ADCY7: variants seen among roughly 807,000 people sequenced by gnomAD.
The protein encoded by ADCY7 is adenylate cyclase type 7.
A neutral mutation model predicts 120.6 loss-of-function variants in ADCY7; 72 were observed. The observed-to-expected ratio is 0.60, with a 90% CI of 0.49 to 0.73. The LOEUF is 0.73. Ranked by LOEUF, ADCY7 falls within the 30% of genes least tolerant of loss-of-function variation. The probability of loss-of-function intolerance (pLI) is 0.00; values close to 1 mark genes in which losing one functional copy is unlikely to be tolerated. For missense variants in ADCY7, 1,227 were observed against 1,486.0 expected (o/e 0.83, Z 2.87); for synonymous variants, 661 against 628.0 (o/e 1.05, Z -0.78).
chr16:50,265,371 T>A (rs201762689), upstream of ADCY7, among the ~76,000 whole-genome samples: 58,887 of 151,746 alleles, frequency 0.39, 12,006 homozygotes, highest in East Asian at 0.64. Flanking sequence ...TGGAACCCTG[T>A]GTGAGTCCTA....
At chr16:50,263,930 A>C (rs1229870547), upstream of ADCY7, among the ~76,000 whole-genome samples, 1 of 152,150 alleles carries the variant, frequency 6.6e-6, no homozygotes, top group Non-Finnish European at 1.5e-5. Context: ...AGCATCCAGC[A>C]CCATGCCCTC....
chr16:50,245,121 C>T (rs2032541316), upstream of ADCY7, among the ~76,000 whole-genome samples: 1 of 152,228 alleles, frequency 6.6e-6, no homozygotes, highest in East Asian at 1.9e-4. Context: ...TAGGGTGAGC[C>T]GGGGTAGCAG....
Position 50,314,563 on chromosome 16 carries a change from TGCATATAGTTA to T in ADCY7, c.2971+169_2971+179del, listed in dbSNP as rs925766543. 1.3e-4 allele frequency: 81 copies of T among 606,164 alleles called. 1 individual carries two copies. The highest frequency in any genetic ancestry group is 1.3e-3 in the South Asian group (63 of 49,698). 37.5% of individuals were successfully genotyped at this position (606,164 alleles called of 1,614,324 possible). A position where few individuals can be genotyped will look rare whatever the true frequency, so the allele number is the denominator to read the frequency against. ...CAGTTGGACAATTATTCTGATGTTT[TGCATATAGTTA>T]GCATATAGTTACCATTGAGAGTTTT... On this transcript the variant is annotated intron_variant, in intron 24 of 25. Coordinates refer to ENST00000673801, the MANE Select transcript of ADCY7 (RefSeq NM_001114.5).
At chr16:50,312,592 A>G (rs1409689942) in intron 21 of ADCY7, among the ~76,000 whole-genome samples, 1 of 152,190 alleles carries the variant, frequency 6.6e-6, no homozygotes, top group East Asian at 1.9e-4. Flanking sequence ...AGGCCCAGTG[A>G]GAATGAAGAC....
chr16:50,281,150 C>T (rs1459414481), intron 1 of ADCY7, among the ~76,000 whole-genome samples: 1 of 152,236 alleles, frequency 6.6e-6, no homozygotes, highest in Non-Finnish European at 1.5e-5. Flanking sequence ...CTTCCTCTGA[C>T]ACTAAGCGTG....
At chr16:50,248,310 T>A (rs1161741516) in intron 1 of ADCY7, among the ~76,000 whole-genome samples, 2 of 152,240 alleles carry the variant, frequency 1.3e-5, no homozygotes, top group South Asian at 2.1e-4. Context: ...TGGAGCCCCC[T>A]TCTTGATGGG....
intron 1 of ADCY7, among the ~76,000 whole-genome samples, chr16:50,258,334 C>T (rs2032973276): frequency 1.3e-5 from 2 of 152,140 alleles, no homozygotes; most frequent in South Asian, 4.1e-4. Context: ...TACTCATTCT[C>T]TCTGTCTTCC....
At chr16:50,310,432 CTG>C (rs780239969) in intron 18 of ADCY7, 11 of 1,534,222 alleles carry the variant, frequency 7.2e-6, no homozygotes, top group Non-Finnish European at 9.6e-6. Flanking sequence ...TTGACCTTGA[CTG>C]TGGTCTGTTG....
chr16:50,283,951 C>T (rs866321135), intron 1 of ADCY7, among the ~76,000 whole-genome samples: 1 of 152,196 alleles, frequency 6.6e-6, no homozygotes, highest in African/African-American at 2.4e-5. Context: ...TCATTCAATC[C>T]GGGAGCCCTG....
intron 18 of ADCY7, among the ~76,000 whole-genome samples, chr16:50,310,230 G>A (rs2036361938): frequency 6.6e-6 from 1 of 152,266 alleles, no homozygotes; most frequent in South Asian, 2.1e-4. Flanking sequence ...GGAGTGGGGA[G>A]AACTGGGAGA....
upstream of ADCY7, among the ~76,000 whole-genome samples, chr16:50,266,208 G>A (rs1352401585): frequency 6.6e-6 from 1 of 152,238 alleles, no homozygotes; most frequent in East Asian, 1.9e-4. Flanking sequence ...GCCCACAGGA[G>A]GCTCAGGCCA....
intron 10 of ADCY7, among the ~76,000 whole-genome samples, chr16:50,303,020 C>T (rs147470484): frequency 3.9e-5 from 6 of 152,314 alleles, no homozygotes; most frequent in East Asian, 1.9e-4. Flanking sequence ...ATGCCCATTC[C>T]GAGTAGGCAT....
upstream of ADCY7, among the ~76,000 whole-genome samples, chr16:50,245,747 G>A (rs960519273): frequency 1.3e-5 from 2 of 152,132 alleles, no homozygotes; most frequent in African/African-American, 4.8e-5. Flanking sequence ...CGCTCCTGCA[G>A]GGGGAGGGGA....
intron 1 of ADCY7, among the ~76,000 whole-genome samples, chr16:50,276,418 A>G (rs1419615030): frequency 1.3e-5 from 2 of 152,190 alleles, no homozygotes; most frequent in Non-Finnish European, 2.9e-5. Flanking sequence ...TTGGTGATGC[A>G]TGCCATCTAG....
chr16:50,290,721 G>A, intron 3 of ADCY7, 61 bp downstream of exon 3: 1 of 1,556,954 alleles, frequency 6.4e-7, no homozygotes. Context: ...CCCCGTGGTT[G>A]GTGGGCATGC....
chr16:50,294,916 G>A (rs995361302), intron 7 of ADCY7, among the ~76,000 whole-genome samples, 165 bp downstream of exon 7: 1 of 152,206 alleles, frequency 6.6e-6, no homozygotes, highest in Non-Finnish European at 1.5e-5. Context: ...AGGTGGGGGT[G>A]AGTGGTGGCC....
At chr16:50,309,719 C>A in intron 18 of ADCY7, 73 bp downstream of exon 18, 2 of 1,355,010 alleles carry the variant, frequency 1.5e-6, no homozygotes, top group Non-Finnish European at 2.0e-6. Flanking sequence ...TAGTTTGGAC[C>A]CTCAAAGCAT....
chr16:50,300,788 G>A lies in ADCY7; in HGVS notation c.1150G>A (p.Val384Ile). 1 of 1,554,308 alleles carries A rather than the reference G, an allele frequency of 6.4e-7. No homozygotes were observed. The highest frequency in any genetic ancestry group is 8.7e-7 in the Non-Finnish European group (1 of 1,148,484). Reference sequence around the variant, plus strand: ...ACACTCGGGGAATGTGCTGTGCGGGGTCATCGGGCTGCGCAAGTGGCAGTA... The same window carrying A: ...ACACTCGGGGAATGTGCTGTGCGGGATCATCGGGCTGCGCAAGTGGCAGTA... ...GIHSGNVLCG[V>I]IGLRKWQYDV... Residue 384 changes from valine to isoleucine, a missense_variant, in exon 9 of 26, where the codon GTC becomes ATC. Physicochemically the swap from Val to Ile is conservative, Grantham distance 29. Coordinates refer to ENST00000673801, the MANE Select transcript of ADCY7 (RefSeq NM_001114.5).
At chr16:50,309,233 G>C (rs1336557362) in intron 17 of ADCY7, 1 of 380,440 alleles carries the variant, frequency 2.6e-6, no homozygotes, top group African/African-American at 2.1e-5. Context: ...CGGACCCTGG[G>C]TTTTTGGAAT....
Sources: allele counts gnomAD v4.1 joint callset (sites outside exome capture counted in the v4.1 genomes callset), GRCh38; gene constraint gnomAD v4.1.1; transcripts MANE v1.5; gene names NCBI Gene and HGNC (gene_info 2026-07-23, HGNC 2026-07-21).